BDP1: variants seen among roughly 807,000 people sequenced by gnomAD.
The protein encoded by BDP1 is transcription factor TFIIIB component B'' homolog.
BDP1 carries 169 observed loss-of-function variants against 266.6 expected under a neutral mutation model. The ratio of observed to expected loss-of-function variants is 0.63; its 90% CI spans 0.56 to 0.72. The LOEUF is 0.72. Among genes scored for constraint, BDP1 ranks in the 30% least tolerant of loss-of-function variants. The pLI, the probability that BDP1 is intolerant of heterozygous loss-of-function variation, is 0.00. For missense variants in BDP1, 3,015 were observed against 3,053.8 expected, an observed-to-expected ratio of 0.99 and a Z score of 0.30; for synonymous variants, 1,090 against 1,022.4, an observed-to-expected ratio of 1.07 and a Z score of -1.26.
intron 26 of BDP1, among the ~76,000 whole-genome samples, chr5:71,534,505 TTG>T (rs1491082362): frequency 2.1e-5 from 3 of 145,358 alleles, no homozygotes; most frequent in East Asian, 4.1e-4. Flanking sequence ...AGTTTTTTTT[TTG>T]TTGTTGTTGT....
chr5:71,553,146 A>C lies in BDP1; in HGVS notation c.7026A>C (p.Gln2342His). Residue 2342 changes from glutamine to histidine, a missense_variant, in exon 35 of 39, where the codon CAA (glutamine) becomes CAC (histidine). This residue lies in a region of BDP1 where 629 missense variants were observed against 632.5 expected (regional missense o/e 0.99). Coordinates refer to ENST00000358731, the MANE Select transcript of BDP1 (RefSeq NM_018429.3). ...GTTTACCAGCAACTTCAGTTGGTCAAGATGCCATGGGTTTATCTATTTCTG... is the reference window on the plus strand; with the variant it reads ...GTTTACCAGCAACTTCAGTTGGTCACGATGCCATGGGTTTATCTATTTCTG... ...SICLPATSVG[Q>H]DAMGLSISGR... The C allele has an allele frequency of 6.2e-7, 1 of 1,612,798 alleles. No individual in the cohort carries two copies. The highest frequency in any genetic ancestry group is 8.5e-7 in the Non-Finnish European group (1 of 1,179,926).
At position 71,460,282 on chromosome 5, in the gene BDP1, A is replaced by G. The variant is rs1276186439; in HGVS notation, c.489+1427A>G. 2.0e-5 allele frequency among the ~76,000 whole-genome samples: 3 copies of G among 152,240 alleles called. No individual in the cohort carries two copies. The East Asian group carries it at 5.8e-4, about 29-fold the overall frequency. On this transcript the variant is annotated intron_variant, in intron 2 of 38. Transcript: ENST00000358731. ...GTAATCCCAGCTACTCAGGAGGCTG[A>G]GACAGGAGAATCGCTTGAACCTGGG...
intron 35 of BDP1, among the ~76,000 whole-genome samples, chr5:71,555,920 T>C (rs1367777391): frequency 2.6e-5 from 4 of 151,994 alleles, no homozygotes; most frequent in Non-Finnish European, 5.9e-5. Context: ...GTATTTGTAT[T>C]TGAATCATAT....
chr5:71,557,176 C>T (rs1046242755), intron 36 of BDP1, among the ~76,000 whole-genome samples: 1 of 152,056 alleles, frequency 6.6e-6, no homozygotes, highest in Non-Finnish European at 1.5e-5. Flanking sequence ...TCAATAACTA[C>T]ACTTTAGGAG....
intron 18 of BDP1, 148 bp downstream of exon 18, chr5:71,512,576 C>A: frequency 2.0e-6 from 1 of 504,492 alleles, no homozygotes; most frequent in Non-Finnish European, 3.5e-6. Context: ...ATTGAGGTCA[C>A]TCTGACAGTC....
chr5:71,495,450 TAAGG>T, intron 12 of BDP1, 42 bp downstream of exon 12: 2 of 1,380,286 alleles, frequency 1.4e-6, no homozygotes. Context: ...AAAATTTTGA[TAAGG>T]TTCTTAAATG....
At chr5:71,473,553 G>A (rs539933953) in intron 7 of BDP1, among the ~76,000 whole-genome samples, 5 of 152,156 alleles carry the variant, frequency 3.3e-5, no homozygotes, top group Admixed American at 2.0e-4. Context: ...AATTATGGGC[G>A]TGAGCCACTG....
intron 2 of BDP1, among the ~76,000 whole-genome samples, chr5:71,460,875 T>TA (rs35478361): frequency 0.44 from 67,168 of 151,262 alleles, 15,206 homozygotes; most frequent in South Asian, 0.55. Context: ...CACTACAGGG[T>TA]AAAAAAAAAG....
intron 7 of BDP1, 110 bp from the exon 8 acceptor site, chr5:71,483,732 T>C: frequency 3.9e-6 from 3 of 768,140 alleles, no homozygotes; most frequent in Middle Eastern, 3.7e-4. Flanking sequence ...ACATATTAAG[T>C]AGAGAGCAGT....
At chr5:71,532,625 CAT>C (rs1459249873) in intron 26 of BDP1, among the ~76,000 whole-genome samples, 198 bp downstream of exon 26, 5 of 152,172 alleles carry the variant, frequency 3.3e-5, no homozygotes, top group Non-Finnish European at 7.4e-5. Flanking sequence ...TTAATATCCT[CAT>C]AGACTTTTAC....
chr5:71,458,819 G>A lies in BDP1; in HGVS notation c.453G>A (p.Leu151=). ...DRYRIYKAQK[L]REMLKEELRK... ...ACCGAATATACAAAGCCCAGAAACT[G>A]AGGGAAATGTTAAAAGAAGAATTGA... is the stretch of plus-strand genomic sequence containing the variant. Residue 151 remains leucine, a synonymous_variant, in exon 2 of 39, where the codon CTG becomes CTA. Transcript: ENST00000358731. 6.2e-7 allele frequency: 1 copy of A among 1,612,328 alleles called. No homozygotes were observed. Among genetic ancestry groups the A allele is most frequent in the Non-Finnish European group, 8.5e-7 (1 of 1,179,682 alleles).
intron 34 of BDP1, among the ~76,000 whole-genome samples, chr5:71,550,103 T>G (rs1742639285): frequency 6.6e-6 from 1 of 152,234 alleles, no homozygotes; most frequent in South Asian, 2.1e-4. Flanking sequence ...GAGATCCTCC[T>G]GGCCAGGCGT....
chr5:71,483,232 A>C (rs1173399644), intron 7 of BDP1, among the ~76,000 whole-genome samples: 2 of 152,202 alleles, frequency 1.3e-5, no homozygotes, highest in Non-Finnish European at 1.5e-5. Context: ...ACGTCTTCAG[A>C]CACAAACTTA....
chr5:71,499,362 A>T (rs2150434465), intron 13 of BDP1, among the ~76,000 whole-genome samples: 1 of 152,294 alleles, frequency 6.6e-6, no homozygotes, highest in East Asian at 1.9e-4. Context: ...CACACCTGTA[A>T]TCCCAGCACT....
chr5:71,559,666 T>C lies in BDP1; in HGVS notation c.7241-316T>C, dbSNP rs146089113. Reference sequence around the variant, plus strand: ...TTGGATTGGTTTGGTTTCTAAATTTTAACAAACCTTAGCTTTTTTAGAAAG... The same window carrying C: ...TTGGATTGGTTTGGTTTCTAAATTTCAACAAACCTTAGCTTTTTTAGAAAG... On this transcript the variant is annotated intron_variant, in intron 36 of 38. Transcript: ENST00000358731. 8.9e-4 allele frequency among the ~76,000 whole-genome samples: 135 copies of C among 152,358 alleles called. 1 individual carries two copies. Among genetic ancestry groups the C allele is most frequent in the African/African-American group, 3.1e-3 (131 of 41,588 alleles).
At chr5:71,487,185 A>G (rs939904025) in intron 9 of BDP1, among the ~76,000 whole-genome samples, 1 of 152,224 alleles carries the variant, frequency 6.6e-6, no homozygotes, top group African/African-American at 2.4e-5. Context: ...TCGGAACTAT[A>G]GGGAACCTTA....
At chr5:71,569,753 T>G (rs1378395003), downstream of BDP1, among the ~76,000 whole-genome samples, 1 of 151,780 alleles carries the variant, frequency 6.6e-6, no homozygotes, top group African/African-American at 2.4e-5. Context: ...TCAAAATAAT[T>G]AGAAAACACA....
rs749682004 is a variant in BDP1, at chr5:71,504,681, C to T, written c.2302C>T (p.Gln768Ter). 1 of 1,613,458 alleles carries T rather than the reference C, an allele frequency of 6.2e-7. No individual in the cohort carries two copies. The highest frequency in any genetic ancestry group is 8.5e-7 in the Non-Finnish European group (1 of 1,179,534). Residue 768 changes from glutamine to a stop codon, truncating the protein, a stop_gained, in exon 16 of 39, where the codon CAG becomes TAG. Coordinates refer to ENST00000358731, the MANE Select transcript of BDP1 (RefSeq NM_018429.3). LOFTEE classifies it high-confidence loss of function. The part of the protein sequence containing the change: ...KDFEEEDVIL[Q>*]PEKNDSFQNV... Reference sequence around the variant, plus strand: ...TTTTGAAGAGGAAGATGTCATATTACAGCCTGAGAAAAATGATTCTTTTCA... The same window carrying T: ...TTTTGAAGAGGAAGATGTCATATTATAGCCTGAGAAAAATGATTCTTTTCA...
At chr5:71,503,064 CAAA>C (rs1190511316) in intron 15 of BDP1, among the ~76,000 whole-genome samples, 1 of 78,376 alleles carries the variant, frequency 1.3e-5, no homozygotes, top group South Asian at 4.1e-4. Flanking sequence ...GACTCTGTCT[CAAA>C]AAAAAAAAAA....
Sources: allele counts gnomAD v4.1 joint callset (sites outside exome capture counted in the v4.1 genomes callset), GRCh38; gene constraint gnomAD v4.1.1; regional missense constraint gnomAD v4.1.1; transcripts MANE v1.5; gene names NCBI Gene and HGNC (gene_info 2026-07-23, HGNC 2026-07-21).